Variants in ZNF385C observed in about 807,000 individuals in gnomAD.
ZNF385C encodes the protein zinc finger protein 385C, also known as CTD-2132N18.2.
In ZNF385C, 28 loss-of-function variants were observed where a neutral mutation model predicts 35.4. The observed-to-expected ratio is 0.79, with a 90% CI of 0.59 to 1.08. The LOEUF is 1.08. Ranked by LOEUF, ZNF385C falls within the 50% of genes least tolerant of loss-of-function variation. ZNF385C has a pLI of 0.00. For synonymous variants in ZNF385C, 248 were observed against 248.2 expected (o/e 1.00, Z 0.01); for missense variants, 605 against 595.6 (o/e 1.02, Z -0.16).
At chr17:42,070,201 C>T (rs2053604585) in intron 1 of ZNF385C, among the ~76,000 whole-genome samples, 1 of 151,880 alleles carries the variant, frequency 6.6e-6, no homozygotes, top group South Asian at 2.1e-4. Context: ...AAAAATTAGC[C>T]AGGCGTGGTG....
chr17:42,086,129 C>T (rs1013960302), intron 1 of ZNF385C, among the ~76,000 whole-genome samples: 1 of 152,108 alleles, frequency 6.6e-6, no homozygotes, highest in Non-Finnish European at 1.5e-5. Flanking sequence ...CAGTGGCTCA[C>T]GCCTGTAATC....
chr17:42,033,231 C>A (rs2052771415), intron 4 of ZNF385C, among the ~76,000 whole-genome samples: 1 of 152,206 alleles, frequency 6.6e-6, no homozygotes, highest in Non-Finnish European at 1.5e-5. Flanking sequence ...CCCCAGATTG[C>A]CTAACAGGAG....
chr17:42,088,052 A>G (rs184882614), intron 1 of ZNF385C, among the ~76,000 whole-genome samples: 1 of 152,046 alleles, frequency 6.6e-6, no homozygotes, highest in Non-Finnish European at 1.5e-5. Context: ...TTTTTTTTTT[A>G]ATCGACACTC....
Position 42,039,863 on chromosome 17 carries a change from G to C in ZNF385C, c.251-1978C>G, listed in dbSNP as rs540557902. 1.3e-4 allele frequency: 163 copies of C among 1,230,584 alleles called. 1 individual carries two copies. The South Asian group carries it at 5.8e-3, about 44-fold the overall frequency. The allele number at this position is 1,230,584 out of a possible 1,614,324, so 76.2% of individuals were successfully genotyped here. ...CCGGCCCCACTCTGCCCCCACCACC[G>C]CAGCTCCCGGCTGCGGCCGACCTTG... On this transcript the variant is annotated intron_variant, in intron 2 of 8. Coordinates refer to ENST00000692273, the MANE Select transcript of ZNF385C (RefSeq NM_001392013.1).
At chr17:42,071,946 G>A (rs1403872284) in intron 1 of ZNF385C, among the ~76,000 whole-genome samples, 3 of 152,252 alleles carry the variant, frequency 2.0e-5, no homozygotes, top group Admixed American at 1.3e-4. Flanking sequence ...CCTGAGTTGT[G>A]GGTGGGGGCA....
chr17:42,037,638 G>C, intron 3 of ZNF385C, 99 bp downstream of exon 3: 4 of 1,384,448 alleles, frequency 2.9e-6, no homozygotes, highest in South Asian at 1.6e-5. Context: ...AAAAGCTCCT[G>C]GTTAGACCCA....
At chr17:42,062,525 C>G (rs1452137418) in intron 2 of ZNF385C, 1 of 318,466 alleles carries the variant, frequency 3.1e-6, no homozygotes, top group African/African-American at 2.1e-5. Context: ...CTTAGGAGTC[C>G]TGATCCCAAA....
In ZNF385C at chr17:42,041,217, G is replaced by A. The variant is rs1598185324; in HGVS notation, c.251-3332C>T. On this transcript the variant is annotated intron_variant, in intron 2 of 8. Transcript: ENST00000692273. ...GGGACAGCCAGGGAAAGAAAGGGAG[G>A]GAGGACTGAGTTAGGCTTGTCCTGA... 3.2e-6 allele frequency: 4 copies of A among 1,232,424 alleles called. No homozygotes were observed. The East Asian group carries it at 1.3e-4, about 39-fold the overall frequency. 76.3% of individuals were successfully genotyped at this position (1,232,424 alleles called of 1,614,324 possible). A position where few individuals can be genotyped will look rare whatever the true frequency, so the allele number is the denominator to read the frequency against.
At chr17:42,081,190 G>C (rs1420584809) in intron 1 of ZNF385C, among the ~76,000 whole-genome samples, 1 of 152,144 alleles carries the variant, frequency 6.6e-6, no homozygotes, top group Non-Finnish European at 1.5e-5. Flanking sequence ...GATGGGCGCA[G>C]ACAATAAGCA....
chr17:42,027,566 CACCCTCT>C, intron 8 of ZNF385C, 45 bp downstream of exon 8: 1 of 842,198 alleles, frequency 1.2e-6, no homozygotes, highest in South Asian at 1.7e-5. Context: ...CCTCCCAGCC[CACCCTCT>C]CCCCTCCTGA....
intron 2 of ZNF385C, among the ~76,000 whole-genome samples, chr17:42,045,293 C>T (rs2053134309): frequency 1.3e-5 from 2 of 152,168 alleles, no homozygotes; most frequent in Admixed American, 6.5e-5. Flanking sequence ...CCTTGTGATC[C>T]GCCCGTCTCG....
At chr17:42,045,111 GT>G (rs797031546) in intron 2 of ZNF385C, among the ~76,000 whole-genome samples, 6 of 152,338 alleles carry the variant, frequency 3.9e-5, no homozygotes, top group African/African-American at 1.4e-4. Context: ...TGGAGACGGG[GT>G]TTCACCGTGT....
chr17:42,057,528 G>A (rs2053399422), intron 2 of ZNF385C, among the ~76,000 whole-genome samples: 2 of 151,792 alleles, frequency 1.3e-5, no homozygotes, highest in African/African-American at 4.8e-5. Flanking sequence ...GTGTGTGTGT[G>A]TGTGTGTGTG....
intron 2 of ZNF385C, among the ~76,000 whole-genome samples, chr17:42,058,070 C>G (rs1555657721): frequency 6.6e-6 from 1 of 152,100 alleles, no homozygotes; most frequent in Non-Finnish European, 1.5e-5. Context: ...TCCTCCTGTG[C>G]CCCTCCAAGG....
rs995294957 is a variant in ZNF385C at position 42,075,258 on chromosome 17, C to T, written c.-2-12200G>A. On this transcript the variant is annotated intron_variant, in intron 1 of 8. Transcript: ENST00000692273. Reference sequence around the variant, plus strand: ...CTCCCAGGGCACCTTGTATGAGACCCTAACACTGCCCTTATCACACTGTAT... The same window carrying T: ...CTCCCAGGGCACCTTGTATGAGACCTTAACACTGCCCTTATCACACTGTAT... Among the ~76,000 whole-genome samples the T allele has an allele frequency of 2.6e-5, 4 of 152,100 alleles. No individual in the cohort carries two copies. The South Asian group carries it at 6.2e-4, about 24-fold the overall frequency.
rs2052630788 is a variant in ZNF385C at position 42,027,920 on chromosome 17, C to T, written c.1164+130G>A. The T allele has an allele frequency of 1.4e-5, 18 of 1,314,282 alleles. No individual in the cohort carries two copies. In the South Asian group the frequency reaches 2.3e-4, roughly 17 times the overall value. The allele number at this position is 1,314,282 out of a possible 1,614,324, so 81.4% of individuals were successfully genotyped here. A position where few individuals can be genotyped will look rare whatever the true frequency, so the allele number is the denominator to read the frequency against. On this transcript the variant is annotated intron_variant, in intron 7 of 8. Coordinates refer to ENST00000692273, the MANE Select transcript of ZNF385C (RefSeq NM_001392013.1). ...CTTTGCCCTTAATTGGCCCACTGGC[C>T]TGCTGGCCTCGCTTCTCCAGCCTGC...
chr17:42,082,793 C>G (rs185075531), intron 1 of ZNF385C, among the ~76,000 whole-genome samples: 2 of 152,004 alleles, frequency 1.3e-5, no homozygotes, highest in Non-Finnish European at 2.9e-5. Flanking sequence ...ATTAGCCAGG[C>G]AAGGCCAGGC....
At chr17:42,036,768 C>T (rs547905564) in intron 3 of ZNF385C, among the ~76,000 whole-genome samples, 4 of 151,974 alleles carry the variant, frequency 2.6e-5, no homozygotes, top group African/African-American at 9.7e-5. Flanking sequence ...TGTCAGCAAG[C>T]GACAGCAAGG....
intron 2 of ZNF385C, among the ~76,000 whole-genome samples, chr17:42,044,082 G>T (rs2053089985): frequency 6.8e-6 from 1 of 147,400 alleles, no homozygotes; most frequent in South Asian, 2.1e-4. Context: ...TTGGGAGGTG[G>T]CTCACTTAAG....
Sources: allele counts gnomAD v4.1 joint callset (sites outside exome capture counted in the v4.1 genomes callset), GRCh38; gene constraint gnomAD v4.1.1; transcripts MANE v1.5; gene names NCBI Gene and HGNC (gene_info 2026-07-23, HGNC 2026-07-21).